Variants in FAT3 observed in about 807,000 individuals in gnomAD.
FAT3 encodes protocadherin Fat 3.
A neutral mutation model predicts 310.2 loss-of-function variants in FAT3; 95 were observed. The ratio of observed to expected loss-of-function variants is 0.31; its 90% CI spans 0.26 to 0.36. FAT3 has a LOEUF of 0.36. Ranked by LOEUF, FAT3 falls within the 10% of genes least tolerant of loss-of-function variation. FAT3 has a pLI of 1.00. For missense variants in FAT3, 5,408 were observed against 5,715.6 expected, an observed-to-expected ratio of 0.95 and a Z score of 1.74; for synonymous variants, 2,314 against 2,192.9, an observed-to-expected ratio of 1.06 and a Z score of -1.54.
At chr11:92,747,224 A>G (rs953402355) in intron 4 of FAT3, among the ~76,000 whole-genome samples, 2 of 152,246 alleles carry the variant, frequency 1.3e-5, no homozygotes, top group African/African-American at 4.8e-5. Flanking sequence ...TCTGAAATCT[A>G]GGCAGAAGAT....
intron 3 of FAT3, among the ~76,000 whole-genome samples, chr11:92,641,563 C>A (rs966077143): frequency 1.3e-5 from 2 of 152,184 alleles, no homozygotes; most frequent in Non-Finnish European, 2.9e-5. Context: ...CAATCTCGGC[C>A]TCTGTCTTCA....
chr11:92,296,032 G>C (rs1378237260), intron 1 of FAT3, among the ~76,000 whole-genome samples: 3 of 152,050 alleles, frequency 2.0e-5, no homozygotes, highest in Admixed American at 2.0e-4. Flanking sequence ...TAAGACTAGA[G>C]GGAGGAGGCC....
At chr11:92,422,093 T>C (rs1387476262) in intron 2 of FAT3, among the ~76,000 whole-genome samples, 1 of 152,218 alleles carries the variant, frequency 6.6e-6, no homozygotes, top group Non-Finnish European at 1.5e-5. Flanking sequence ...CAACTTTTTT[T>C]GACTGTGCCA....
intron 2 of FAT3, among the ~76,000 whole-genome samples, chr11:92,378,917 A>G (rs1245441904): frequency 2.0e-5 from 3 of 152,190 alleles, no homozygotes; most frequent in African/African-American, 4.8e-5. Context: ...TAATCCCATT[A>G]CTGAGGACTG....
intron 3 of FAT3, among the ~76,000 whole-genome samples, chr11:92,540,940 G>A (rs1355093711): frequency 6.6e-6 from 1 of 152,006 alleles, no homozygotes; most frequent in Non-Finnish European, 1.5e-5. Context: ...TAATATTCAA[G>A]CTACAGGAAA....
intron 2 of FAT3, among the ~76,000 whole-genome samples, chr11:92,413,510 T>C (rs1047368072): frequency 6.6e-6 from 1 of 152,162 alleles, no homozygotes; most frequent in Non-Finnish European, 1.5e-5. Flanking sequence ...TACACCTCTG[T>C]GTTCTTATCA....
chr11:92,367,957 A>T (rs1268093842), intron 2 of FAT3, among the ~76,000 whole-genome samples: 1 of 152,252 alleles, frequency 6.6e-6, no homozygotes, highest in Non-Finnish European at 1.5e-5. Context: ...CTGCTTTGAG[A>T]AAAAGAATAA....
intron 1 of FAT3, among the ~76,000 whole-genome samples, chr11:92,278,769 A>C (rs1289994110): frequency 6.6e-6 from 1 of 152,184 alleles, no homozygotes; most frequent in Non-Finnish European, 1.5e-5. Flanking sequence ...GCAGCAATTC[A>C]TCTTAGGTTT....
chr11:92,295,368 T>C (rs192908000), intron 1 of FAT3, among the ~76,000 whole-genome samples: 19 of 152,238 alleles, frequency 1.2e-4, no homozygotes, highest in Admixed American at 4.6e-4. Flanking sequence ...TGTTGGATTA[T>C]TGGGAGTCAC....
intron 2 of FAT3, chr11:92,498,583 T>G (rs1411683246): frequency 2.0e-5 from 3 of 152,764 alleles, no homozygotes; most frequent in Non-Finnish European, 4.4e-5. Flanking sequence ...AATAATGATC[T>G]GCCACTTTTT....
rs1446168693 is a variant in FAT3, at chr11:92,891,967, T to A, written c.*854T>A. On this transcript the variant is annotated 3_prime_UTR_variant, in exon 28 of 28. Transcript: ENST00000525166. ...TTTGTTCATATAGCTTCTCTACAAT[T>A]AGATATTTTTAGAAGTTTAAGCAAA... The A allele has an allele frequency of 6.6e-6, 1 of 152,160 alleles. No individual in the cohort carries two copies. The highest frequency in any genetic ancestry group is 2.4e-5 in the African/African-American group (1 of 41,438). 9.4% of individuals were successfully genotyped at this position (152,160 alleles called of 1,614,324 possible).
chr11:92,249,904 A>G (rs1865069637), intron 1 of FAT3, among the ~76,000 whole-genome samples: 1 of 152,086 alleles, frequency 6.6e-6, no homozygotes, highest in Non-Finnish European at 1.5e-5. Flanking sequence ...AATTGCAGAT[A>G]TTATTACCTG....
rs753963580 is a variant in FAT3 at position 92,890,749 on chromosome 11, CCCAG to C, written c.13409_13412del (p.Gln4470LeufsTer8). The C allele has an allele frequency of 6.2e-7, 1 of 1,613,822 alleles. No homozygotes were observed. Among genetic ancestry groups the C allele is most frequent in the Non-Finnish European group, 8.5e-7 (1 of 1,179,832 alleles). On this transcript the variant is annotated frameshift_variant, in exon 28 of 28. Transcript: ENST00000525166. LOFTEE classifies it high-confidence loss of function. Reference sequence around the variant, plus strand: ...GACCAATATGAGGCCCTGCCACCCTCCCAGCCTGTCTCCCTGGCCAGCACACTGA... The same window carrying C: ...GACCAATATGAGGCCCTGCCACCCTCCCTGTCTCCCTGGCCAGCACACTGA...
At chr11:92,393,688 A>G (rs945121185) in intron 2 of FAT3, among the ~76,000 whole-genome samples, 1 of 152,226 alleles carries the variant, frequency 6.6e-6, no homozygotes, top group African/African-American at 2.4e-5. Context: ...TTGGCAGTGT[A>G]ATTAATGGAT....
intron 1 of FAT3, among the ~76,000 whole-genome samples, chr11:92,308,987 G>A (rs973050379): frequency 4.0e-5 from 6 of 151,862 alleles, no homozygotes; most frequent in African/African-American, 1.2e-4. Context: ...GGAATTCTAC[G>A]CCCCCGGGAC....
At chr11:92,653,215 T>G (rs952628040) in intron 3 of FAT3, among the ~76,000 whole-genome samples, 1 of 120,752 alleles carries the variant, frequency 8.3e-6, no homozygotes, top group African/African-American at 3.5e-5. Context: ...TGTATGTGTG[T>G]GTGCTCGCAT....
intron 1 of FAT3, among the ~76,000 whole-genome samples, chr11:92,249,183 T>A (rs556156754): frequency 2.6e-5 from 4 of 152,066 alleles, no homozygotes; most frequent in African/African-American, 4.8e-5. Context: ...TGGTAACATT[T>A]TGACAGCTGC....
rs539226538 is a variant in FAT3 at position 92,323,198 on chromosome 11, A to AAT, written c.-17-28888_-17-28887dup. ...ACCAGGTACATTGTTAATGAGCAGT[A>AAT]ATATATATATACATATACATACATA... On this transcript the variant is annotated intron_variant, in intron 1 of 27. Coordinates refer to ENST00000525166, the MANE Select transcript of FAT3 (RefSeq NM_001367949.2). Among the ~76,000 whole-genome samples, 343 of 151,984 alleles carry AAT rather than the reference A, an allele frequency of 2.3e-3. 2 individuals are homozygous for AAT. Among genetic ancestry groups the AAT allele is most frequent in the African/African-American group, 7.2e-3 (298 of 41,438 alleles).
chr11:92,433,742 GGCTCAC>G (rs1950856464), intron 2 of FAT3, among the ~76,000 whole-genome samples: 2 of 152,100 alleles, frequency 1.3e-5, no homozygotes, highest in African/African-American at 4.8e-5. Flanking sequence ...TGGGTGTGGT[GGCTCAC>G]GCCTGTAATC....
Sources: allele counts gnomAD v4.1 joint callset (sites outside exome capture counted in the v4.1 genomes callset), GRCh38; gene constraint gnomAD v4.1.1; transcripts MANE v1.5; gene names NCBI Gene and HGNC (gene_info 2026-07-23, HGNC 2026-07-21).